The following STYK1 variants were observed in gnomAD, a reference collection of about 807,000 sequenced individuals.
STYK1 encodes the protein STY kinase 1.
A neutral mutation model predicts 48.1 loss-of-function variants in STYK1; 46 were observed. That is an observed-to-expected ratio of 0.96 (90% CI 0.75 to 1.22). The LOEUF is 1.22. STYK1 is among the 50% of genes most tolerant of loss of function. The pLI is 0.00. For synonymous variants in STYK1, 188 were observed against 189.0 expected (o/e 0.99, Z 0.04); for missense variants, 527 against 521.1 (o/e 1.01, Z -0.11).
chr12:10,631,384 G>T, intron 4 of STYK1, 76 bp from the exon 5 acceptor site: 1 of 1,555,550 alleles, frequency 6.4e-7, no homozygotes, highest in South Asian at 1.2e-5. Flanking sequence ...AAACAAATTG[G>T]CAAGGAGGTT....
At chr12:10,651,803 A>G (rs1198319098) in intron 1 of STYK1, among the ~76,000 whole-genome samples, 1 of 152,182 alleles carries the variant, frequency 6.6e-6, no homozygotes, top group Non-Finnish European at 1.5e-5. Flanking sequence ...GCTTCAGTAC[A>G]GTTTTCTTAC....
At chr12:10,644,918 A>G (rs1053186604) in intron 1 of STYK1, among the ~76,000 whole-genome samples, 1 of 152,172 alleles carries the variant, frequency 6.6e-6, no homozygotes, top group African/African-American at 2.4e-5. Flanking sequence ...TTGAAAGTGA[A>G]TAAGAGAGAA....
intron 4 of STYK1, among the ~76,000 whole-genome samples, chr12:10,633,772 C>G (rs1947454483): frequency 1.3e-5 from 2 of 152,130 alleles, no homozygotes; most frequent in Admixed American, 1.3e-4. Flanking sequence ...GTTTTTCTTG[C>G]ACACTCTTTT....
intron 1 of STYK1, among the ~76,000 whole-genome samples, chr12:10,659,166 T>G (rs1310688965): frequency 1.3e-5 from 2 of 152,194 alleles, no homozygotes; most frequent in Non-Finnish European, 2.9e-5. Flanking sequence ...AAATAATCCT[T>G]TTATGACTTT....
intron 7 of STYK1, 96 bp downstream of exon 7, chr12:10,627,545 A>T (rs1947372017): frequency 5.3e-6 from 6 of 1,134,576 alleles, no homozygotes; most frequent in Non-Finnish European, 7.6e-6. Context: ...TAAAACATAC[A>T]CACCACTTGA....
chr12:10,647,398 C>T (rs896719023), intron 1 of STYK1, among the ~76,000 whole-genome samples: 1 of 152,198 alleles, frequency 6.6e-6, no homozygotes, highest in Admixed American at 6.5e-5. Flanking sequence ...TTGTATGGGG[C>T]CTGTATCCCC....
chr12:10,646,208 G>T (rs1365379942), intron 1 of STYK1, among the ~76,000 whole-genome samples: 1 of 152,232 alleles, frequency 6.6e-6, no homozygotes, highest in Non-Finnish European at 1.5e-5. Context: ...GGGCTCAGAA[G>T]AAGACAGGAA....
intron 1 of STYK1, among the ~76,000 whole-genome samples, chr12:10,647,136 G>T (rs1947609488): frequency 6.6e-6 from 1 of 152,206 alleles, no homozygotes; most frequent in Non-Finnish European, 1.5e-5. Context: ...CGAGAAGAGG[G>T]TTACCATCCT....
At chr12:10,655,545 T>C (rs924840594) in intron 1 of STYK1, among the ~76,000 whole-genome samples, 15 of 152,220 alleles carry the variant, frequency 9.9e-5, no homozygotes, top group African/African-American at 2.4e-5. Context: ...CAGGTTGATA[T>C]TGGTGTGATC....
intron 1 of STYK1, among the ~76,000 whole-genome samples, chr12:10,647,003 A>G (rs562658401): frequency 1.3e-5 from 2 of 152,352 alleles, no homozygotes; most frequent in African/African-American, 4.8e-5. Context: ...CCAGATGCCT[A>G]TGCAAAAGTT....
chr12:10,625,160 C>A (rs1001481181), intron 7 of STYK1, among the ~76,000 whole-genome samples: 1 of 152,158 alleles, frequency 6.6e-6, no homozygotes, highest in Non-Finnish European at 1.5e-5. Flanking sequence ...GAGAAAGGAC[C>A]CAGCTAGACA....
chr12:10,649,774 A>G (rs1384633579), intron 1 of STYK1, among the ~76,000 whole-genome samples: 1 of 152,228 alleles, frequency 6.6e-6, no homozygotes, highest in African/African-American at 2.4e-5. Context: ...TTCCTAAAGA[A>G]CTAGTGTTTA....
chr12:10,633,490 C>T lies in STYK1; in HGVS notation c.187+500G>A, dbSNP rs530412706. Among the ~76,000 whole-genome samples, 11 of 152,060 alleles carry T rather than the reference C, an allele frequency of 7.2e-5. No homozygotes were observed. In the South Asian group the frequency reaches 2.1e-3, roughly 29 times the overall value. On this transcript the variant is annotated intron_variant, in intron 4 of 10. Coordinates refer to ENST00000075503, the MANE Select transcript of STYK1 (RefSeq NM_018423.3). ...CTGAGTTTCATCTGTGAATTGATTC[C>T]CTTTTATTATATGCTCAGTGGAACT...
At chr12:10,638,029 G>A (rs1947505171) in intron 1 of STYK1, among the ~76,000 whole-genome samples, 1 of 152,142 alleles carries the variant, frequency 6.6e-6, no homozygotes, top group Admixed American at 6.5e-5. Context: ...AAAAATATAT[G>A]TAGGCTACTG....
chr12:10,630,462 C>G (rs1947414460), intron 5 of STYK1, among the ~76,000 whole-genome samples: 1 of 148,970 alleles, frequency 6.7e-6, no homozygotes, highest in Non-Finnish European at 1.5e-5. Context: ...AGGAAACAAC[C>G]TCAGAATCCT....
At chr12:10,667,292 C>T (rs538926407) in intron 1 of STYK1, 13 of 152,158 alleles carry the variant, frequency 8.5e-5, no homozygotes, top group African/African-American at 3.1e-4. Context: ...ACACTACCTT[C>T]GATTTGCTCT....
chr12:10,645,129 G>C (rs959855313), intron 1 of STYK1, among the ~76,000 whole-genome samples: 3 of 152,150 alleles, frequency 2.0e-5, no homozygotes, highest in African/African-American at 7.2e-5. Context: ...AAGCAAAGGA[G>C]AGGGGCATGG....
Position 10,672,691 on chromosome 12 carries a change from G to GA in STYK1, c.-195+1274dup, listed in dbSNP as rs1288922441. On this transcript the variant is annotated intron_variant, in intron 1 of 10. Coordinates refer to ENST00000075503, the MANE Select transcript of STYK1 (RefSeq NM_018423.3). The surrounding 1 kb of genome is among the most constrained non-coding windows in gnomAD (Gnocchi z 4.0). ...TCCCGCCAACCTCATCGGCATCTGT[G>GA]AAAAAAATTGTCTTCCACAAAATCA... 2.0e-5 allele frequency among the ~76,000 whole-genome samples: 3 copies of GA among 152,260 alleles called. No individual in the cohort carries two copies.
intron 1 of STYK1, among the ~76,000 whole-genome samples, chr12:10,642,274 A>T (rs560916046): frequency 1.3e-5 from 2 of 152,198 alleles, no homozygotes; most frequent in South Asian, 4.1e-4. Context: ...CTGTGCTATA[A>T]TGGTAAGACT....
Sources: gnomAD v4.1 joint callset for allele counts (sites outside exome capture counted in the v4.1 genomes callset) on GRCh38, gnomAD v4.1.1 for gene constraint, Gnocchi (gnomAD v3.1) non-coding constraint, MANE v1.5 for transcripts, NCBI Gene and HGNC (gene_info 2026-07-23, HGNC 2026-07-21) for gene names.